Variants in TMEM11 observed in about 807,000 individuals in gnomAD.
The protein encoded by TMEM11 is transmembrane protein 11, mitochondrial.
Under a neutral mutation model 17.0 loss-of-function variants are expected in TMEM11, and 1 was observed. That is an observed-to-expected ratio of 0.06 (90% CI 0.02 to 0.28). The LOEUF (loss-of-function observed/expected upper bound fraction) is 0.28, where lower values mean the gene tolerates loss of function less well. Among genes scored for constraint, TMEM11 ranks in the 10% least tolerant of loss-of-function variants. The pLI is 1.00. For synonymous variants in TMEM11, 122 were observed against 118.1 expected, an observed-to-expected ratio of 1.03 and a Z score of -0.21; for missense variants, 172 against 252.9, an observed-to-expected ratio of 0.68 and a Z score of 2.17.
chr17:21,208,298 T>C (rs1399864215), intron 1 of TMEM11: 2 of 152,184 alleles, frequency 1.3e-5, no homozygotes, highest in Admixed American at 6.5e-5. Flanking sequence ...GGCCAAAGTG[T>C]TTCTTTTATA....
At chr17:21,213,699 G>T in intron 1 of TMEM11, 1 of 229,766 alleles carries the variant, frequency 4.4e-6, no homozygotes, top group Non-Finnish European at 8.6e-6. Flanking sequence ...CTACACGTCT[G>T]GGGCCGCGGC....
intron 1 of TMEM11, among the ~76,000 whole-genome samples, chr17:21,200,311 C>T (rs1270394282): frequency 6.6e-6 from 1 of 152,252 alleles, no homozygotes; most frequent in African/African-American, 2.4e-5. Context: ...CTTTCCTTGG[C>T]TGGTTTCAGC....
At chr17:21,201,122 T>C (rs759586821) in intron 1 of TMEM11, among the ~76,000 whole-genome samples, 1 of 152,180 alleles carries the variant, frequency 6.6e-6, no homozygotes, top group Non-Finnish European at 1.5e-5. Context: ...TGCATTCTGG[T>C]TGGATAAACA....
intron 1 of TMEM11, among the ~76,000 whole-genome samples, chr17:21,202,495 G>C (rs1199885779): frequency 1.3e-5 from 2 of 152,174 alleles, no homozygotes; most frequent in Non-Finnish European, 2.9e-5. Flanking sequence ...GGAAATTCCA[G>C]TGGAAACCCC....
intron 1 of TMEM11, among the ~76,000 whole-genome samples, chr17:21,210,088 C>A (rs140366694): frequency 5.3e-4 from 81 of 152,306 alleles, no homozygotes; most frequent in African/African-American, 1.9e-3. Flanking sequence ...CAAGCCGGGG[C>A]AGAGGAGCCA....
chr17:21,212,832 T>C (rs1352266976), intron 1 of TMEM11, among the ~76,000 whole-genome samples: 6 of 152,138 alleles, frequency 3.9e-5, no homozygotes, highest in Admixed American at 3.3e-4. Context: ...TTTAAGAGCA[T>C]CTGAAAACCA....
At position 21,210,512 on chromosome 17, in the gene TMEM11, T is replaced by C. The variant is rs981044093; in HGVS notation, c.62+3579A>G. ...AGAGAGATTAAATACTCCCAAAGCC[T>C]GAGAGTCTAAAAGGGAAGGATCAGA... On this transcript the variant is annotated intron_variant, in intron 1 of 1. Transcript: ENST00000317635. Among the ~76,000 whole-genome samples, 3 of 151,982 alleles carry C rather than the reference T, an allele frequency of 2.0e-5. 1 individual carries two copies. Among genetic ancestry groups the C allele is most frequent in the South Asian group, 4.2e-4 (2 of 4,818 alleles).
At chr17:21,200,373 C>T (rs981396415) in intron 1 of TMEM11, among the ~76,000 whole-genome samples, 6 of 152,324 alleles carry the variant, frequency 3.9e-5, no homozygotes, top group African/African-American at 4.8e-5. Context: ...CCTAGTTTTC[C>T]GTTATCTGCT....
intron 1 of TMEM11, among the ~76,000 whole-genome samples, chr17:21,209,217 C>A (rs2144309154): frequency 6.6e-6 from 1 of 152,352 alleles, no homozygotes; most frequent in South Asian, 2.1e-4. Context: ...ATCTGGGGAG[C>A]AGGAACACGG....
intron 1 of TMEM11, chr17:21,213,531 C>T (rs1975025576): frequency 1.3e-5 from 2 of 153,380 alleles, no homozygotes; most frequent in Admixed American, 6.5e-5. Context: ...TCTTCAGAAT[C>T]TTCCCTCGAG....
chr17:21,198,037 C>A lies in TMEM11; in HGVS notation c.*287G>T. ...TAAACAATAGACTTAAAGACCTCCC[C>A]CAAAGCACGTCCACACCCCCTCGGC... On this transcript the variant is annotated 3_prime_UTR_variant, in exon 2 of 2. Coordinates refer to ENST00000317635, the MANE Select transcript of TMEM11 (RefSeq NM_003876.3). The surrounding 1 kb of genome is among the most constrained non-coding windows in gnomAD (Gnocchi z 6.5). 2.7e-6 allele frequency: 1 copy of A among 372,342 alleles called. No individual in the cohort carries two copies. 23.1% of individuals were successfully genotyped at this position (372,342 alleles called of 1,614,324 possible).
chr17:21,205,464 G>A (rs1597771692), intron 1 of TMEM11, among the ~76,000 whole-genome samples: 2 of 152,152 alleles, frequency 1.3e-5, no homozygotes. Context: ...TGCAGGAGGA[G>A]GCAGGCCAGG....
intron 1 of TMEM11, among the ~76,000 whole-genome samples, chr17:21,202,054 G>A (rs1597769675): frequency 6.6e-6 from 1 of 152,238 alleles, no homozygotes; most frequent in South Asian, 2.1e-4. Context: ...AATGAGTGGC[G>A]GTGGCGCAAT....
intron 1 of TMEM11, among the ~76,000 whole-genome samples, chr17:21,201,406 C>G (rs906547428): frequency 6.6e-6 from 1 of 152,240 alleles, no homozygotes; most frequent in Non-Finnish European, 1.5e-5. Flanking sequence ...GGACAAGAGC[C>G]TCCTAAACAT....
intron 1 of TMEM11, among the ~76,000 whole-genome samples, chr17:21,207,831 T>C (rs902874868): frequency 6.6e-6 from 1 of 151,492 alleles, no homozygotes; most frequent in African/African-American, 2.4e-5. Flanking sequence ...GAGGTTGCAG[T>C]GAGCCAAGAT....
intron 1 of TMEM11, among the ~76,000 whole-genome samples, chr17:21,199,083 AGGCCGGGGG>A (rs1974851881): frequency 1.3e-5 from 2 of 150,450 alleles, no homozygotes; most frequent in South Asian, 4.2e-4. Flanking sequence ...GCACTTTGGG[AGGCCGGGGG>A]GGCGGATCAT....
chr17:21,200,861 A>G (rs943650896), intron 1 of TMEM11, among the ~76,000 whole-genome samples: 8 of 152,218 alleles, frequency 5.3e-5, no homozygotes, highest in South Asian at 2.1e-4. Flanking sequence ...CCACCTGGCC[A>G]TTGGCCGTAA....
chr17:21,211,942 A>C (rs1230921503), intron 1 of TMEM11, among the ~76,000 whole-genome samples: 1 of 152,204 alleles, frequency 6.6e-6, no homozygotes, highest in East Asian at 1.9e-4. Flanking sequence ...AGATCTCATA[A>C]TCTAGAGTGC....
At chr17:21,202,883 G>A (rs3785543) in intron 1 of TMEM11, among the ~76,000 whole-genome samples, 50,863 of 152,062 alleles carry the variant, frequency 0.33, 8,893 homozygotes, top group Non-Finnish European at 0.38. Context: ...TGGTGGCGTG[G>A]GTCTGCCCCC....
Sources: gnomAD v4.1 joint callset for allele counts (sites outside exome capture counted in the v4.1 genomes callset) on GRCh38, gnomAD v4.1.1 for gene constraint, Gnocchi (gnomAD v3.1) non-coding constraint, MANE v1.5 for transcripts, NCBI Gene and HGNC (gene_info 2026-07-23, HGNC 2026-07-21) for gene names.